The following TREM1 variants were observed in gnomAD, a reference collection of about 807,000 sequenced individuals.
TREM1 encodes the protein triggering receptor expressed on monocytes 1.
In TREM1, 16 loss-of-function variants were observed where a neutral mutation model predicts 22.4. That is an observed-to-expected ratio of 0.71 (90% CI 0.48 to 1.08). TREM1 has a LOEUF of 1.08. TREM1 is among the 50% of genes least tolerant of loss of function. TREM1 has a pLI of 0.00. For synonymous variants in TREM1, 110 were observed against 111.6 expected, an observed-to-expected ratio of 0.99 and a Z score of 0.09; for missense variants, 283 against 282.9, an observed-to-expected ratio of 1.00 and a Z score of 0.00.
chr6:41,286,063 G>C (rs1027878214), intron 1 of TREM1, among the ~76,000 whole-genome samples: 1 of 152,220 alleles, frequency 6.6e-6, no homozygotes, highest in African/African-American at 2.4e-5. Context: ...CGCCGGCTCT[G>C]CTGAGCCTCA....
At chr6:41,286,564 T>C in intron 1 of TREM1, 43 bp downstream of exon 1, 3 of 1,610,540 alleles carry the variant, frequency 1.9e-6, no homozygotes, top group Non-Finnish European at 2.5e-6. Context: ...CCCGAGATCC[T>C]GGACCAAACG....
At chr6:41,269,281 A>G (rs1767413997), downstream of TREM1, among the ~76,000 whole-genome samples, 1 of 152,174 alleles carries the variant, frequency 6.6e-6, no homozygotes, top group African/African-American at 2.4e-5. Flanking sequence ...ACCGAAGGTC[A>G]CCAAAATGTC....
At chr6:41,285,027 G>C (rs1768100398) in intron 1 of TREM1, among the ~76,000 whole-genome samples, 1 of 152,176 alleles carries the variant, frequency 6.6e-6, no homozygotes, top group Admixed American at 6.5e-5. Flanking sequence ...TCTATCATAG[G>C]CACTGTGCTG....
At chr6:41,273,586 G>A (rs568694351), downstream of TREM1, among the ~76,000 whole-genome samples, 9 of 152,338 alleles carry the variant, frequency 5.9e-5, no homozygotes, top group South Asian at 1.9e-3. Flanking sequence ...ATAACAGCAA[G>A]ACACCGCTGG....
At chr6:41,267,850 G>GA (rs772151198), downstream of TREM1, 3 of 397,654 alleles carry the variant, frequency 7.5e-6, no homozygotes, top group Non-Finnish European at 1.3e-5. Flanking sequence ...GATCTTTTGT[G>GA]AAAAAAATAA....
chr6:41,272,709 G>T (rs1255926450), downstream of TREM1, among the ~76,000 whole-genome samples: 1 of 152,140 alleles, frequency 6.6e-6, no homozygotes, highest in African/African-American at 2.4e-5. Context: ...CAGGGGCTTT[G>T]CCTGAGTACC....
chr6:41,274,013 T>A lies in TREM1; in HGVS notation c.*2112A>T, dbSNP rs1326807237. On this transcript the variant is annotated 3_prime_UTR_variant, in exon 4 of 4. Coordinates refer to ENST00000244709, the MANE Select transcript of TREM1 (RefSeq NM_018643.5). The stretch of plus-strand genomic sequence containing the variant: ...GATGGAGCATGGCGTGGCCTGTAAG[T>A]GCAAATGGGAGAGTATCCAGCACGG... 6.6e-6 allele frequency among the ~76,000 whole-genome samples: 1 copy of A among 152,196 alleles called. No homozygotes were observed. The highest frequency in any genetic ancestry group is 1.5e-5 in the Non-Finnish European group (1 of 68,036).
chr6:41,270,098 G>A (rs2113967854), downstream of TREM1: 1 of 152,274 alleles, frequency 6.6e-6, no homozygotes, highest in Middle Eastern at 3.4e-3. Context: ...GGGGGACCCT[G>A]GCTCCAACCC....
In TREM1 at chr6:41,273,636, T is replaced by C. The variant is rs1192528674; in HGVS notation, c.*2489A>G. On this transcript the variant is annotated 3_prime_UTR_variant, in exon 4 of 4. Transcript: ENST00000244709. ...GTAATTGAGGAGCATTTAATAAACA[T>C]GTGCATAGAATTTAGGGAATCCAGT... Among the ~76,000 whole-genome samples, 1 of 152,198 alleles carries C rather than the reference T, an allele frequency of 6.6e-6. No individual in the cohort carries two copies.
At chr6:41,279,713 CTATT>C in intron 3 of TREM1, 1 of 985,428 alleles carries the variant, frequency 1.0e-6, no homozygotes, top group Non-Finnish European at 1.2e-6. Flanking sequence ...TTAACTCACA[CTATT>C]TAATGATTTA....
intron 3 of TREM1, among the ~76,000 whole-genome samples, chr6:41,276,619 A>C (rs1409470057): frequency 6.6e-6 from 1 of 152,204 alleles, no homozygotes; most frequent in Non-Finnish European, 1.5e-5. Context: ...AACCGAGAAG[A>C]ATCCACCCGT....
At position 41,279,667 on chromosome 6, in the gene TREM1, G is replaced by A. The variant is rs577298254; in HGVS notation, c.599+1294C>T. 68 of 985,386 alleles carry A rather than the reference G, an allele frequency of 6.9e-5. 2 individuals are homozygous for A. The South Asian group carries it at 2.8e-3, about 40-fold the overall frequency. The allele number at this position is 985,386 out of a possible 1,614,324, so 61.0% of individuals were successfully genotyped here. A position where few individuals can be genotyped will look rare whatever the true frequency, so the allele number is the denominator to read the frequency against. The stretch of plus-strand genomic sequence containing the variant: ...CTACACTCATAGAGAAATTAGAGCA[G>A]GCACCAGTTCACATTTGTTTTAGCA... On this transcript the variant is annotated intron_variant, in intron 3 of 3. Transcript: ENST00000244709.
chr6:41,284,916 T>A (rs528349152), intron 1 of TREM1, among the ~76,000 whole-genome samples: 7 of 152,352 alleles, frequency 4.6e-5, no homozygotes, highest in African/African-American at 1.7e-4. Context: ...CAGTCAGGAA[T>A]GTGCCTCCAA....
chr6:41,284,998 A>T (rs1430352329), intron 1 of TREM1, among the ~76,000 whole-genome samples: 1 of 152,206 alleles, frequency 6.6e-6, no homozygotes, highest in Non-Finnish European at 1.5e-5. Context: ...CTCACTCATC[A>T]GACTGGCTGG....
chr6:41,278,867 T>C (rs868552250), intron 3 of TREM1, among the ~76,000 whole-genome samples: 12 of 151,952 alleles, frequency 7.9e-5, no homozygotes, highest in African/African-American at 2.4e-4. Flanking sequence ...TGCTGAATCA[T>C]GGAGCAACAC....
chr6:41,280,530 C>A, intron 3 of TREM1: 1 of 1,072,302 alleles, frequency 9.3e-7, no homozygotes, highest in Non-Finnish European at 1.1e-6. Context: ...TTCTACCATG[C>A]CTACTGAATT....
Position 41,276,246 on chromosome 6 carries a change from G to T in TREM1, c.600-16C>A, listed in dbSNP as rs1046491280. ...CACCGGAACCCTGCGGGAGACAAGA[G>T]GCTGAACGCTACTGCTGGCAAAGTC... is the stretch of plus-strand genomic sequence containing the variant. On this transcript the variant is annotated splice_polypyrimidine_tract_variant and intron_variant, in intron 3 of 3. Transcript: ENST00000244709. 6.2e-7 allele frequency: 1 copy of T among 1,601,238 alleles called. No individual in the cohort carries two copies. Among genetic ancestry groups the T allele is most frequent in the Admixed American group, 1.7e-5 (1 of 59,976 alleles).
intron 3 of TREM1, among the ~76,000 whole-genome samples, chr6:41,277,458 C>T (rs934517171): frequency 1.3e-5 from 2 of 152,288 alleles, no homozygotes; most frequent in East Asian, 1.9e-4. Flanking sequence ...TCAGCATCTG[C>T]CCCGATTCCA....
downstream of TREM1, among the ~76,000 whole-genome samples, chr6:41,272,499 T>C (rs1767511195): frequency 6.6e-6 from 1 of 152,198 alleles, no homozygotes; most frequent in Admixed American, 6.5e-5. Context: ...GACAGGCACG[T>C]GGCTTCACTC....
Sources: allele counts gnomAD v4.1 joint callset (sites outside exome capture counted in the v4.1 genomes callset), GRCh38; gene constraint gnomAD v4.1.1; transcripts MANE v1.5; gene names NCBI Gene and HGNC (gene_info 2026-07-23, HGNC 2026-07-21).